NTM: variants seen among roughly 807,000 people sequenced by gnomAD.
The protein encoded by NTM is IgLON family member 2.
A neutral mutation model predicts 42.1 loss-of-function variants in NTM; 13 were observed. That is an observed-to-expected ratio of 0.31 (90% CI 0.20 to 0.49). The LOEUF is 0.49. Ranked by LOEUF, NTM falls within the 20% of genes least tolerant of loss-of-function variation. NTM has a pLI of 0.99. For missense variants in NTM, 373 were observed against 452.8 expected (o/e 0.82, Z 1.60); for synonymous variants, 187 against 179.2 (o/e 1.04, Z -0.35).
chr11:131,861,650 C>T (rs760179349), intron 1 of NTM, among the ~76,000 whole-genome samples: 2 of 152,078 alleles, frequency 1.3e-5, no homozygotes, highest in Non-Finnish European at 2.9e-5. Flanking sequence ...ACTCCTGGCT[C>T]ATTATACAAT....
chr11:131,980,907 G>A (rs1257741249), intron 2 of NTM, among the ~76,000 whole-genome samples: 5 of 152,278 alleles, frequency 3.3e-5, no homozygotes, highest in East Asian at 1.9e-4. Context: ...GTTCAAATCC[G>A]ACTCTATGTT....
chr11:132,103,172 C>T (rs759394622), intron 2 of NTM, among the ~76,000 whole-genome samples: 6 of 152,238 alleles, frequency 3.9e-5, no homozygotes, highest in Non-Finnish European at 7.3e-5. Context: ...AGCACCTCCT[C>T]CTCACCGGCC....
intron 1 of NTM, among the ~76,000 whole-genome samples, chr11:131,714,121 TAAGCCCACTC>T (rs2077442066): frequency 6.6e-6 from 1 of 152,204 alleles, no homozygotes; most frequent in African/African-American, 2.4e-5. Flanking sequence ...GGCACATGCT[TAAGCCCACTC>T]ACCCAACTCC....
intron 1 of NTM, among the ~76,000 whole-genome samples, chr11:131,383,782 T>C (rs777550343): frequency 6.6e-6 from 1 of 152,140 alleles, no homozygotes; most frequent in African/African-American, 2.4e-5. Context: ...CCAAACAACA[T>C]GATTTGGGTT....
chr11:131,654,410 T>A (rs965606116), intron 1 of NTM, among the ~76,000 whole-genome samples: 1 of 151,438 alleles, frequency 6.6e-6, no homozygotes, highest in Non-Finnish European at 1.5e-5. Context: ...GCAGTTGTAT[T>A]GAAAAGCAAC....
At chr11:131,548,303 T>A (rs933073375) in intron 1 of NTM, among the ~76,000 whole-genome samples, 1 of 152,078 alleles carries the variant, frequency 6.6e-6, no homozygotes, top group African/African-American at 2.4e-5. Context: ...TCCAAGTCGA[T>A]CTTATCCAGG....
At chr11:132,317,556 A>AT in intron 7 of NTM, 1 of 552,074 alleles carries the variant, frequency 1.8e-6, no homozygotes, top group Non-Finnish European at 2.9e-6. Flanking sequence ...TGTCTGTGAA[A>AT]GGCAGTATAC....
chr11:131,545,880 G>A (rs1187975170), intron 1 of NTM, among the ~76,000 whole-genome samples: 1 of 152,124 alleles, frequency 6.6e-6, no homozygotes, highest in African/African-American at 2.4e-5. Flanking sequence ...TTGAATATCC[G>A]AGCATTATCT....
intron 1 of NTM, among the ~76,000 whole-genome samples, chr11:131,411,967 G>A (rs901813312): frequency 1.3e-5 from 2 of 152,088 alleles, no homozygotes; most frequent in African/African-American, 2.4e-5. Flanking sequence ...AACATAGCTG[G>A]GCCCCTCTGT....
At chr11:131,560,989 G>A (rs2056152715) in intron 1 of NTM, among the ~76,000 whole-genome samples, 2 of 152,182 alleles carry the variant, frequency 1.3e-5, no homozygotes, top group African/African-American at 4.8e-5. Flanking sequence ...AAGATTCCGG[G>A]TGGCGTGCAA....
chr11:131,515,333 T>A (rs1244874867), intron 1 of NTM, among the ~76,000 whole-genome samples: 1 of 152,174 alleles, frequency 6.6e-6, no homozygotes, highest in Non-Finnish European at 1.5e-5. Flanking sequence ...TGCCCAGAAC[T>A]CAGCGTGGGG....
intron 2 of NTM, among the ~76,000 whole-genome samples, chr11:131,929,704 AAAGT>A (rs2058385020): frequency 6.6e-6 from 1 of 152,056 alleles, no homozygotes; most frequent in African/African-American, 2.4e-5. Flanking sequence ...ACTGATTCAC[AAAGT>A]AAGACGCCAC....
At chr11:131,800,114 A>T (rs1437930026) in intron 1 of NTM, among the ~76,000 whole-genome samples, 1 of 152,234 alleles carries the variant, frequency 6.6e-6, no homozygotes, top group Admixed American at 6.5e-5. Context: ...GGAATGGGTG[A>T]TGCTGAAGGA....
chr11:132,098,004 G>A (rs947676175), intron 2 of NTM, among the ~76,000 whole-genome samples: 6 of 152,206 alleles, frequency 3.9e-5, no homozygotes, highest in Admixed American at 2.6e-4. Context: ...AGAAAGATTC[G>A]TGGCAAGTAT....
intron 1 of NTM, among the ~76,000 whole-genome samples, chr11:131,462,012 G>A (rs1478870770): frequency 6.6e-6 from 1 of 152,048 alleles, no homozygotes; most frequent in East Asian, 1.9e-4. Flanking sequence ...TCAAAAACTG[G>A]AAACAACCCA....
At chr11:132,239,367 T>A (rs2089742116) in intron 4 of NTM, among the ~76,000 whole-genome samples, 1 of 152,230 alleles carries the variant, frequency 6.6e-6, no homozygotes, top group Non-Finnish European at 1.5e-5. Context: ...TAAATGAATT[T>A]AAAACTTAAG....
intron 1 of NTM, among the ~76,000 whole-genome samples, chr11:131,439,414 G>A (rs73586786): frequency 2.0e-5 from 3 of 152,150 alleles, no homozygotes; most frequent in Non-Finnish European, 2.9e-5. Context: ...ACCCACAAAG[G>A]TAGAGACTAC....
At chr11:131,379,032 G>A (rs1216499980) in intron 1 of NTM, among the ~76,000 whole-genome samples, 1 of 152,194 alleles carries the variant, frequency 6.6e-6, no homozygotes, top group Non-Finnish European at 1.5e-5. Flanking sequence ...GATCTAAGAG[G>A]CACATTAGAA....
At chr11:131,766,382 G>A (rs2085100749) in intron 1 of NTM, among the ~76,000 whole-genome samples, 2 of 152,190 alleles carry the variant, frequency 1.3e-5, no homozygotes, top group South Asian at 4.2e-4. Flanking sequence ...GGACTAGGCT[G>A]TAGTCAGCCC....
Sources: allele counts gnomAD v4.1 joint callset (sites outside exome capture counted in the v4.1 genomes callset), GRCh38; gene constraint gnomAD v4.1.1; transcripts MANE v1.5; gene names NCBI Gene and HGNC (gene_info 2026-07-23, HGNC 2026-07-21).